Variants in RUVBL2 observed in about 807,000 individuals in gnomAD.
The protein encoded by RUVBL2 is ruvB-like 2.
Under a neutral mutation model 57.9 loss-of-function variants are expected in RUVBL2, and 9 were observed. The observed-to-expected ratio is 0.16, with a 90% CI of 0.09 to 0.27. The LOEUF is 0.27. Among genes scored for constraint, RUVBL2 ranks in the 10% least tolerant of loss-of-function variants. The probability of loss-of-function intolerance (pLI) is 1.00; values close to 1 mark genes in which losing one functional copy is unlikely to be tolerated. For missense variants in RUVBL2, 456 were observed against 669.6 expected, an observed-to-expected ratio of 0.68 and a Z score of 3.52; for synonymous variants, 278 against 264.6, an observed-to-expected ratio of 1.05 and a Z score of -0.49.
chr19:48,996,747 G>A (rs4801786), intron 1 of RUVBL2, among the ~76,000 whole-genome samples: 20,444 of 152,006 alleles, frequency 0.13, 1,471 homozygotes, highest in East Asian at 0.18. Context: ...GGCTAGTCTC[G>A]AACTCCTGAC....
At chr19:49,010,467 T>TCTCC in intron 8 of RUVBL2, 21 bp from the exon 9 acceptor site, 1 of 1,401,208 alleles carries the variant, frequency 7.1e-7, no homozygotes, top group Admixed American at 2.0e-5. Context: ...CCGCCGTTCT[T>TCTCC]CCCCCACCCC....
chr19:48,993,892 T>G lies in RUVBL2; in HGVS notation c.-20T>G, dbSNP rs2122557100. The G allele has an allele frequency of 6.2e-7, 1 of 1,614,052 alleles. No individual in the cohort carries two copies. The highest frequency in any genetic ancestry group is 1.3e-5 in the African/African-American group (1 of 74,994). Reference sequence around the variant, plus strand: ...CGCGCGTTTCCGTTTCCGCTAGGACTCTGGCAGTTGGTGAGCATCATGGCA... The same window carrying G: ...CGCGCGTTTCCGTTTCCGCTAGGACGCTGGCAGTTGGTGAGCATCATGGCA... On this transcript the variant is annotated 5_prime_UTR_variant, in exon 1 of 15. Transcript: ENST00000595090.
At chr19:49,007,909 A>G (rs2039314055) in intron 6 of RUVBL2, among the ~76,000 whole-genome samples, 1 of 150,658 alleles carries the variant, frequency 6.6e-6, no homozygotes, top group Admixed American at 6.6e-5. Context: ...GGGTTTCACC[A>G]TGTTGGCCAG....
intron 4 of RUVBL2, among the ~76,000 whole-genome samples, chr19:49,006,126 G>T (rs151063416): frequency 1.3e-5 from 2 of 152,242 alleles, no homozygotes; most frequent in Non-Finnish European, 2.9e-5. Context: ...GGCATGGGCC[G>T]TGCTCGTCCA....
At chr19:49,008,222 T>A (rs2039323566) in intron 6 of RUVBL2, among the ~76,000 whole-genome samples, 1 of 150,238 alleles carries the variant, frequency 6.7e-6, no homozygotes, top group Admixed American at 6.6e-5. Context: ...TATTTTTATT[T>A]TTTATTTTTA....
rs546990355 is a variant in RUVBL2 at position 49,011,431 on chromosome 19, C to T, written c.1001+121C>T. 12 of 752,486 alleles carry T rather than the reference C, an allele frequency of 1.6e-5. No homozygotes were observed. The highest frequency in any genetic ancestry group is 1.4e-4 in the African/African-American group (8 of 58,112). 46.6% of individuals were successfully genotyped at this position (752,486 alleles called of 1,614,324 possible). A position where few individuals can be genotyped will look rare whatever the true frequency, so the allele number is the denominator to read the frequency against. On this transcript the variant is annotated intron_variant, in intron 11 of 14. Transcript: ENST00000595090. This position sits in a 1 kb window ranked among gnomAD's most constrained non-coding sequence, Gnocchi z 4.4. ...GGGAGGGACGCGTGACTGCAGTGTG[C>T]GCTCTTTGCTTACAAAAGGCGGGTG...
At chr19:49,004,099 G>A (rs2039235967) in intron 3 of RUVBL2, 178 bp from the exon 4 acceptor site, 1 of 780,632 alleles carries the variant, frequency 1.3e-6, no homozygotes, top group Non-Finnish European at 1.9e-6. Flanking sequence ...CTGGGTGACA[G>A]AGCGAGATCT....
At chr19:48,993,765 A>C (rs3764616), upstream of RUVBL2, 77,174 of 1,048,902 alleles carry the variant, frequency 0.074, 3,265 homozygotes, top group Admixed American at 0.13. Flanking sequence ...AGGGCGGGGC[A>C]TAAAGTCCCG....
intron 12 of RUVBL2, 96 bp from the exon 13 acceptor site, chr19:49,014,925 C>A: frequency 6.9e-7 from 1 of 1,459,712 alleles, no homozygotes; most frequent in Non-Finnish European, 9.2e-7. Context: ...GCCACATATT[C>A]CCAGTGGGGA....
rs2039425692 is a variant in RUVBL2 at position 49,011,394 on chromosome 19, G to A, written c.1001+84G>A. The A allele has an allele frequency of 8.9e-7, 1 of 1,120,732 alleles. No individual in the cohort carries two copies. Among genetic ancestry groups the A allele is most frequent in the African/African-American group, 1.5e-5 (1 of 65,508 alleles). 69.4% of individuals were successfully genotyped at this position (1,120,732 alleles called of 1,614,324 possible). On this transcript the variant is annotated intron_variant, in intron 11 of 14. Transcript: ENST00000595090. This position sits in a 1 kb window ranked among gnomAD's most constrained non-coding sequence, Gnocchi z 4.4. ...CAGAGGGTCAATGGGAGCCTGTGTTGACACCGGGTCAGGGAGGGACGCGTG... is the reference window on the plus strand; with the variant it reads ...CAGAGGGTCAATGGGAGCCTGTGTTAACACCGGGTCAGGGAGGGACGCGTG...
intron 4 of RUVBL2, among the ~76,000 whole-genome samples, chr19:49,004,930 G>T (rs1407640836): frequency 6.6e-6 from 1 of 151,362 alleles, no homozygotes; most frequent in Non-Finnish European, 1.5e-5. Flanking sequence ...AGAAAATGAG[G>T]ATTCTTCTGT....
chr19:49,010,861 T>A, intron 9 of RUVBL2, 138 bp from the exon 10 acceptor site: 1 of 875,280 alleles, frequency 1.1e-6, no homozygotes, highest in East Asian at 2.6e-5. Context: ...TCTTTGGGGA[T>A]GTTTCAGGCT....
At chr19:48,997,240 A>G (rs1031970756) in intron 1 of RUVBL2, among the ~76,000 whole-genome samples, 1 of 152,200 alleles carries the variant, frequency 6.6e-6, no homozygotes, top group Non-Finnish European at 1.5e-5. Flanking sequence ...CTTCATATAG[A>G]TGGAATCATA....
Position 49,007,025 on chromosome 19 carries a change from G to C in RUVBL2, c.273G>C (p.Ala91=). 6.2e-7 allele frequency: 1 copy of C among 1,612,852 alleles called. No individual in the cohort carries two copies. Among genetic ancestry groups the C allele is most frequent in the African/African-American group, 1.3e-5 (1 of 75,078 alleles). Residue 91 remains alanine (A), a synonymous_variant, in exon 5 of 15, where the codon GCG becomes GCC. Transcript: ENST00000595090. ...TGKTAIAMGM[A]QALGPDTPFT... Reference sequence around the variant, plus strand: ...AGACTGCCTCCTTCCCAGGCATGGCGCAGGCCCTGGGCCCTGACACGCCAT... The same window carrying C: ...AGACTGCCTCCTTCCCAGGCATGGCCCAGGCCCTGGGCCCTGACACGCCAT...
chr19:49,008,186 ATT>A (rs990791693), intron 6 of RUVBL2, among the ~76,000 whole-genome samples: 4 of 149,264 alleles, frequency 2.7e-5, no homozygotes, highest in African/African-American at 9.8e-5. Context: ...GATAGACTTT[ATT>A]TTTTAGGCAT....
In RUVBL2 at chr19:48,999,960, T is replaced by G. The variant is rs549722798; in HGVS notation, c.67+587T>G. The stretch of plus-strand genomic sequence containing the variant: ...CAGGGTGCGCTCTCACAAAGAGCTT[T>G]ACCGGCAGGGAAGTGACCGCATTCA... On this transcript the variant is annotated intron_variant, in intron 2 of 14. Transcript: ENST00000595090. 7.9e-5 allele frequency among the ~76,000 whole-genome samples: 12 copies of G among 152,300 alleles called. No homozygotes were observed. The South Asian group carries it at 2.5e-3, about 32-fold the overall frequency.
At chr19:49,003,386 AGTGGG>A in intron 3 of RUVBL2, 52 bp downstream of exon 3, 1 of 1,556,696 alleles carries the variant, frequency 6.4e-7, no homozygotes, top group Non-Finnish European at 8.9e-7. Flanking sequence ...GGTCTTGGGT[AGTGGG>A]TACCCAGGGT....
chr19:49,015,792 C>T (rs774939996), intron 14 of RUVBL2, 25 bp from the exon 15 acceptor site: 20 of 1,614,030 alleles, frequency 1.2e-5, no homozygotes, highest in East Asian at 2.2e-5. Context: ...CGACACTGAC[C>T]ATGTGGCCTT....
In RUVBL2 at chr19:49,003,143, C is replaced by T. The variant is rs368569524; in HGVS notation, c.68-136C>T. 4.7e-5 allele frequency: 36 copies of T among 772,274 alleles called. No individual in the cohort carries two copies. In the East Asian group the frequency reaches 6.8e-4, roughly 15 times the overall value. 47.8% of individuals were successfully genotyped at this position (772,274 alleles called of 1,614,324 possible). ...ATTTGGGATATCCTTTCCATGTGCC[C>T]CTTCATTCCCCCAACCCCTGCTCCC... On this transcript the variant is annotated intron_variant, in intron 2 of 14. Transcript: ENST00000595090.
Sources: allele counts gnomAD v4.1 joint callset (sites outside exome capture counted in the v4.1 genomes callset), GRCh38; gene constraint gnomAD v4.1.1; non-coding constraint Gnocchi (gnomAD v3.1); transcripts MANE v1.5; gene names NCBI Gene and HGNC (gene_info 2026-07-23, HGNC 2026-07-21).